COL11A2: variants seen among roughly 807,000 people sequenced by gnomAD.
COL11A2 encodes collagen type XI alpha 2 chain, also known as collagen alpha-2(XI) chain.
Under a neutral mutation model 273.4 loss-of-function variants are expected in COL11A2, and 116 were observed. The ratio of observed to expected loss-of-function variants is 0.42; its 90% confidence interval spans 0.36 to 0.49. The LOEUF is 0.49. Ranked by LOEUF, COL11A2 falls within the 20% of genes least tolerant of loss-of-function variation. COL11A2 has a pLI of 0.00. For missense variants in COL11A2, 1,866 were observed against 2,309.0 expected (o/e 0.81, Z 3.93); for synonymous variants, 782 against 864.2 (o/e 0.90, Z 1.67).
In COL11A2 at chr6:33,177,019, G is replaced by A. The variant is rs764866246; in HGVS notation, c.2043C>T (p.Pro681=). The A allele has an allele frequency of 2.2e-5, 36 of 1,611,772 alleles. No individual in the cohort carries two copies. Among genetic ancestry groups the A allele is most frequent in the South Asian group, 1.2e-4 (11 of 90,844 alleles). The stretch of plus-strand genomic sequence containing the variant: ...GGGGTCCGTCTGAGCCAGGCATGCC[G>A]GGGAGCCCTGGCTTCCCTTGAGGAC... ...EKGPQGKPGL[P]GMPGSDGPPG... Residue 681 remains proline, a synonymous_variant, in exon 25 of 66, where the codon CCC becomes CCT. Coordinates refer to ENST00000341947, the MANE Select transcript of COL11A2 (RefSeq NM_080680.3). The surrounding 1 kb of genome is among the most constrained non-coding windows in gnomAD (Gnocchi z 5.9).
chr6:33,178,084 G>A lies in COL11A2; in HGVS notation c.1872+48C>T. On this transcript the variant is annotated intron_variant, in intron 21 of 65. Transcript: ENST00000341947. This position sits in a 1 kb window ranked among gnomAD's most constrained non-coding sequence, Gnocchi z 4.6. ...AGGCAGCTAGAAAGGTGGAGAGTTGGAGAGGTCAAGGGGTCACCTCAGGGT... is the reference window on the plus strand; with the variant it reads ...AGGCAGCTAGAAAGGTGGAGAGTTGAAGAGGTCAAGGGGTCACCTCAGGGT... 1 of 1,564,984 alleles carries A rather than the reference G, an allele frequency of 6.4e-7. No individual in the cohort carries two copies. Among genetic ancestry groups the A allele is most frequent in the Non-Finnish European group, 8.7e-7 (1 of 1,144,668 alleles).
At chr6:33,175,952 G>T in intron 29 of COL11A2, 64 bp downstream of exon 29, 9 of 1,574,076 alleles carry the variant, frequency 5.7e-6, no homozygotes, top group Non-Finnish European at 7.9e-6. Context: ...ACCGGTGCTT[G>T]GCGTCTCCAG....
chr6:33,173,984 C>A lies in COL11A2; in HGVS notation c.2529+27G>T. 1.2e-6 allele frequency: 2 copies of A among 1,614,084 alleles called. No individual in the cohort carries two copies. Among genetic ancestry groups the A allele is most frequent in the Non-Finnish European group, 1.7e-6 (2 of 1,179,996 alleles). Reference sequence around the variant, plus strand: ...CAAATGCCCCCCTCTGGACCTTGAGCCACCTGTTTCTCTCCCCTGCACTCA... The same window carrying A: ...CAAATGCCCCCCTCTGGACCTTGAGACACCTGTTTCTCTCCCCTGCACTCA... On this transcript the variant is annotated intron_variant, in intron 33 of 65. Transcript: ENST00000341947. This position sits in a 1 kb window ranked among gnomAD's most constrained non-coding sequence, Gnocchi z 6.3.
rs2150513407 is a variant in COL11A2 at position 33,164,884 on chromosome 6, T to A, written c.4831A>T (p.Thr1611Ser). 1 of 1,571,112 alleles carries A rather than the reference T, an allele frequency of 6.4e-7. No homozygotes were observed. Residue 1611 changes from threonine to serine, a missense_variant, in exon 64 of 66, where the codon ACC becomes TCC. By Grantham distance (58) the Thr-to-Ser change is moderately conservative (BLOSUM62 1). Coordinates refer to ENST00000341947, the MANE Select transcript of COL11A2 (RefSeq NM_080680.3). The surrounding 1 kb of genome is among the most constrained non-coding windows in gnomAD (Gnocchi z 4.7). ...ACGTCATCCCTAGGCGTCACACAGG[T>A]CTCACCCCCTGCTGTGAAGTTGCAG... ...VFCNFTAGGE[T>S]CVTPRDDVTQ... is the part of the protein sequence containing the mutation.
chr6:33,189,463 G>C lies in COL11A2; in HGVS notation c.89C>G (p.Pro30Arg). The C allele has an allele frequency of 6.2e-7, 1 of 1,613,044 alleles. No individual in the cohort carries two copies. Among genetic ancestry groups the C allele is most frequent in the Non-Finnish European group, 8.5e-7 (1 of 1,180,016 alleles). The change falls in exon 2 of 66, where the codon CCC becomes CGC. Residue 30 changes from proline to arginine, a missense_variant. Physicochemically the swap from Pro to Arg is moderately radical, Grantham distance 103. Coordinates refer to ENST00000341947, the MANE Select transcript of COL11A2 (RefSeq NM_080680.3). The surrounding 1 kb of genome is among the most constrained non-coding windows in gnomAD (Gnocchi z 5.6). ...LSAAPGWAGAPPVDVLRALRF... is the reference protein window; with the variant it reads ...LSAAPGWAGARPVDVLRALRF... Reference sequence around the variant, plus strand: ...CAGGGCCCGGAGCACATCCACAGGGGGTGCACCTGGGAGAGTCCATGATTA... The same window carrying C: ...CAGGGCCCGGAGCACATCCACAGGGCGTGCACCTGGGAGAGTCCATGATTA...
At position 33,163,788 on chromosome 6, in the gene COL11A2, G is replaced by T. The variant is rs778122331; in HGVS notation, c.5101C>A (p.Arg1701=). 6.2e-7 allele frequency: 1 copy of T among 1,613,034 alleles called. No individual in the cohort carries two copies. The highest frequency in any genetic ancestry group is 1.7e-5 in the Admixed American group (1 of 60,022). The change falls in exon 66 of 66, where the codon CGA becomes AGA. Residue 1701 remains arginine (R), a synonymous_variant. Coordinates refer to ENST00000341947, the MANE Select transcript of COL11A2 (RefSeq NM_080680.3). This position sits in a 1 kb window ranked among gnomAD's most constrained non-coding sequence, Gnocchi z 4.1. The part of the protein sequence containing the change: ...TQQGRTVLEV[R]TPVLEQLPVL... ...GGCAGCTGCTCCAGCACAGGCGTTC[G>T]CACCTCCAGCACCGTCCGGCCTTGC...
Position 33,167,098 on chromosome 6 carries a change from C to T in COL11A2, c.4202G>A (p.Arg1401Gln), listed in dbSNP as rs184399988. Residue 1401 changes from arginine (R) to glutamine (Q), a missense_variant, in exon 58 of 66, where the codon CGG (arginine) becomes CAG (glutamine). Arg to Gln is a conservative substitution (Grantham distance 43). Transcript: ENST00000341947. The surrounding 1 kb of genome is among the most constrained non-coding windows in gnomAD (Gnocchi z 6.1). The stretch of plus-strand genomic sequence containing the variant: ...CTCTCCCTTGGCTCCAGCATCGCCC[C>T]GGAGACCAGGCAGCCCTGGGGGTCC... ...PVGPPGLPGL[R>Q]GDAGAKGEKG... 3.5e-5 allele frequency: 56 copies of T among 1,614,034 alleles called. No homozygotes were observed. The highest frequency in any genetic ancestry group is 8.9e-5 in the East Asian group (4 of 44,874).
Position 33,173,550 on chromosome 6 carries a change from G to A in COL11A2, c.2634C>T (p.Leu878=). ...ACCCGTTGGGACCCTGAGGTCCAGG[G>A]AGGCCCTAGAGACAGAGGTGGGGGG... is the stretch of plus-strand genomic sequence containing the variant. The part of the protein sequence containing the change: ...GPHGPPGERG[L]PGPQGPNGFP... The change falls in exon 36 of 66, where the codon CTC becomes CTT. Residue 878 remains leucine (L), a synonymous_variant. Coordinates refer to ENST00000341947, the MANE Select transcript of COL11A2 (RefSeq NM_080680.3). This position sits in a 1 kb window ranked among gnomAD's most constrained non-coding sequence, Gnocchi z 6.3. 2.0e-6 allele frequency: 3 copies of A among 1,508,762 alleles called. No homozygotes were observed. The highest frequency in any genetic ancestry group is 2.7e-6 in the Non-Finnish European group (3 of 1,117,592). The allele number at this position is 1,508,762 out of a possible 1,614,324, so 93.5% of individuals were successfully genotyped here. A position where few individuals can be genotyped will look rare whatever the true frequency, so the allele number is the denominator to read the frequency against.
Position 33,192,215 on chromosome 6 carries a change from C to A in COL11A2, c.26G>T (p.Arg9Leu). The change falls in exon 1 of 66, where the codon CGC becomes CTC. Residue 9 changes from arginine (R) to leucine (L), a missense_variant. Coordinates refer to ENST00000341947, the MANE Select transcript of COL11A2 (RefSeq NM_080680.3). The part of the protein sequence containing the change: MERCSRCH[R>L]LLLLLPLVLG... ...CACCAGAGGTAGGAGGAGGAGGAGG[C>A]GATGGCAGCGGCTGCACCGCTCCAT... 1 of 1,564,752 alleles carries A rather than the reference C, an allele frequency of 6.4e-7. No homozygotes were observed. The highest frequency in any genetic ancestry group is 8.7e-7 in the Non-Finnish European group (1 of 1,154,720).
chr6:33,168,948 G>A lies in COL11A2; in HGVS notation c.3852+7C>T, dbSNP rs904013785. ...TTTGCCCCTTCCCTTCTCTGAGTAA[G>A]ACTCACCCGAGGGCCACCTTCTCCA... On this transcript the variant is annotated splice_region_variant and intron_variant, in intron 52 of 65. Transcript: ENST00000341947. The A allele has an allele frequency of 1.9e-6, 3 of 1,556,638 alleles. No homozygotes were observed. The highest frequency in any genetic ancestry group is 2.6e-6 in the Non-Finnish European group (3 of 1,151,744).
chr6:33,182,136 T>A (rs999985923), intron 8 of COL11A2, among the ~76,000 whole-genome samples: 1 of 151,798 alleles, frequency 6.6e-6, no homozygotes, highest in Non-Finnish European at 1.5e-5. Context: ...TAGCTGGGTG[T>A]GGTGGCACAT....
chr6:33,170,900 G>A lies in COL11A2; in HGVS notation c.3384C>T (p.Pro1128=), dbSNP rs1799911. Residue 1128 remains proline, a synonymous_variant, in exon 46 of 66, where the codon CCC becomes CCT. Coordinates refer to ENST00000341947, the MANE Select transcript of COL11A2 (RefSeq NM_080680.3). The surrounding 1 kb of genome is among the most constrained non-coding windows in gnomAD (Gnocchi z 4.3). ...AGTGTCCCTGGGGTCCCCGAGCTCC[G>A]GGCTCCCCATCTGCTCCCTGCAGGG... ...QPGAAGADGE[P]GARGPQGHFG... 0.27 allele frequency: 428,189 copies of A among 1,612,232 alleles called. 59,587 individuals carry two copies. The highest frequency in any genetic ancestry group is 0.39 in the South Asian group (35,231 of 91,048).
chr6:33,168,243 T>C lies in COL11A2; in HGVS notation c.3960+276A>G, dbSNP rs186690015. On this transcript the variant is annotated intron_variant, in intron 54 of 65. Coordinates refer to ENST00000341947, the MANE Select transcript of COL11A2 (RefSeq NM_080680.3). ...AACCCAGGAACAAACATGCCCGAGATACCGCACACCCATCAACCCACCAGC... is the reference window on the plus strand; with the variant it reads ...AACCCAGGAACAAACATGCCCGAGACACCGCACACCCATCAACCCACCAGC... Among the ~76,000 whole-genome samples the C allele has an allele frequency of 8.5e-4, 129 of 151,926 alleles. 2 individuals are homozygous for C. In the East Asian group the frequency reaches 0.019, roughly 22 times the overall value.
chr6:33,177,004 T>C lies in COL11A2; in HGVS notation c.2058A>G (p.Ser686=). The C allele has an allele frequency of 1.2e-6, 2 of 1,611,990 alleles. No homozygotes were observed. Among genetic ancestry groups the C allele is most frequent in the Non-Finnish European group, 1.7e-6 (2 of 1,179,526 alleles). ...GKPGLPGMPG[S]DGPPGHPGKE... ...GGGTCCCACTCACCGGGGGTCCGTC[T>C]GAGCCAGGCATGCCGGGGAGCCCTG... Residue 686 remains serine, a synonymous_variant, in exon 25 of 66, where the codon TCA becomes TCG. Coordinates refer to ENST00000341947, the MANE Select transcript of COL11A2 (RefSeq NM_080680.3). The surrounding 1 kb of genome is among the most constrained non-coding windows in gnomAD (Gnocchi z 5.9).
Position 33,165,063 on chromosome 6 carries a change from C to A in COL11A2, c.4751-99G>T. The A allele has an allele frequency of 1.1e-6, 1 of 897,054 alleles. No individual in the cohort carries two copies. Among genetic ancestry groups the A allele is most frequent in the Non-Finnish European group, 1.8e-6 (1 of 561,610 alleles). 55.6% of individuals were successfully genotyped at this position (897,054 alleles called of 1,614,324 possible). A position where few individuals can be genotyped will look rare whatever the true frequency, so the allele number is the denominator to read the frequency against. Reference sequence around the variant, plus strand: ...CCTCTTCCCTCCCAGCCCTCCCCATCATGCTCTTAGTCTCCTGGTCCTCCT... The same window carrying A: ...CCTCTTCCCTCCCAGCCCTCCCCATAATGCTCTTAGTCTCCTGGTCCTCCT... On this transcript the variant is annotated intron_variant, in intron 63 of 65. Transcript: ENST00000341947. The surrounding 1 kb of genome is among the most constrained non-coding windows in gnomAD (Gnocchi z 7.7).
At position 33,178,948 on chromosome 6, in the gene COL11A2, C is replaced by T. The variant is rs199866657; in HGVS notation, c.1637G>A (p.Arg546Gln). ...CACTCCAGGATCTCCAGGCATCCCTCGGGCTCCATCAGCACCTGCCCGGCC... is the reference window on the plus strand; with the variant it reads ...CACTCCAGGATCTCCAGGCATCCCTTGGGCTCCATCAGCACCTGCCCGGCC... ...RRGRAGADGA[R>Q]GMPGDPGVKG... Residue 546 changes from arginine to glutamine, a missense_variant, in exon 17 of 66, where the codon CGA (arginine) becomes CAA (glutamine). Arg to Gln is a conservative substitution (Grantham distance 43). Coordinates refer to ENST00000341947, the MANE Select transcript of COL11A2 (RefSeq NM_080680.3). The surrounding 1 kb of genome is among the most constrained non-coding windows in gnomAD (Gnocchi z 4.6). 589 of 1,614,086 alleles carry T rather than the reference C, an allele frequency of 3.6e-4. No homozygotes were observed. Among genetic ancestry groups the T allele is most frequent in the Non-Finnish European group, 4.7e-4 (560 of 1,180,002 alleles).
chr6:33,180,180 C>T, intron 12 of COL11A2, 78 bp downstream of exon 12: 1 of 1,366,642 alleles, frequency 7.3e-7, no homozygotes, highest in Non-Finnish European at 1.0e-6. Context: ...ATCTTTCCTG[C>T]CCATCTGGTT....
In COL11A2 at chr6:33,168,561, A is replaced by G. The variant is rs754666649; in HGVS notation, c.3918T>C (p.Gly1306=). 5.0e-6 allele frequency: 8 copies of G among 1,613,564 alleles called. No individual in the cohort carries two copies. Among genetic ancestry groups the G allele is most frequent in the South Asian group, 1.1e-5 (1 of 91,064 alleles). Residue 1306 remains glycine (G), a synonymous_variant, in exon 54 of 66, where the codon GGT becomes GGC. Transcript: ENST00000341947. ...DGEPGQPGSP[G]PTGENGPPGP... ...CTGGGGGTCCATTCTCCCCGGTGGG[A>G]CCAGGGGATCCCTAGGGAGAGAGGA...
chr6:33,170,441 G>A lies in COL11A2; in HGVS notation c.3529-62C>T, dbSNP rs568069192. 8.8e-6 allele frequency: 14 copies of A among 1,593,686 alleles called. No individual in the cohort carries two copies. In the African/African-American group the frequency reaches 1.6e-4, roughly 18 times the overall value. ...AGTGAGATGGCTGAGCATGAATGGT[G>A]GAGAGAGGAGGAGGAGCAGCCAGGC... On this transcript the variant is annotated intron_variant, in intron 47 of 65. Transcript: ENST00000341947. The surrounding 1 kb of genome is among the most constrained non-coding windows in gnomAD (Gnocchi z 4.3).
Sources: allele counts gnomAD v4.1 joint callset (sites outside exome capture counted in the v4.1 genomes callset), GRCh38; gene constraint gnomAD v4.1.1; non-coding constraint Gnocchi (gnomAD v3.1); transcripts MANE v1.5; gene names NCBI Gene and HGNC (gene_info 2026-07-23, HGNC 2026-07-21).